The following NYAP2 variants were observed in gnomAD, a reference collection of about 807,000 sequenced individuals.
NYAP2 encodes the protein neuronal tyrosine-phosphorylated phosphoinositide-3-kinase adaptor 2.
NYAP2 carries 23 observed loss-of-function variants against 50.4 expected under a neutral mutation model. The ratio of observed to expected loss-of-function variants is 0.46; its 90% CI spans 0.33 to 0.65. The LOEUF (loss-of-function observed/expected upper bound fraction) is 0.65. Ranked by LOEUF, NYAP2 falls within the 30% of genes least tolerant of loss-of-function variation. The probability of loss-of-function intolerance (pLI) is 0.02; values close to 1 mark genes in which losing one functional copy is unlikely to be tolerated. For synonymous variants in NYAP2, 394 were observed against 365.2 expected (o/e 1.08, Z -0.90); for missense variants, 885 against 861.0 (o/e 1.03, Z -0.35).
At chr2:225,575,584 G>A (rs1459145441) in intron 4 of NYAP2, among the ~76,000 whole-genome samples, 2 of 152,116 alleles carry the variant, frequency 1.3e-5, no homozygotes, top group African/African-American at 4.8e-5. Context: ...CCATTTCTTG[G>A]TTCTTTTCCT....
Position 225,546,660 on chromosome 2 carries a change from G to T in NYAP2, c.523+32988G>T, listed in dbSNP as rs142100358. 1.4e-3 allele frequency among the ~76,000 whole-genome samples: 208 copies of T among 152,146 alleles called. 1 individual carries two copies. The highest frequency in any genetic ancestry group is 4.5e-3 in the African/African-American group (185 of 41,518). ...AAGGCCCAGAATCAGGGACCCCAGT[G>T]GTTCACTTGGTACTCTGCCCAACTG... is the stretch of plus-strand genomic sequence containing the variant. On this transcript the variant is annotated intron_variant, in intron 4 of 6. Transcript: ENST00000636099.
intron 3 of NYAP2, among the ~76,000 whole-genome samples, chr2:225,482,840 A>G (rs146370378): frequency 7.9e-4 from 120 of 152,304 alleles, no homozygotes; most frequent in African/African-American, 2.8e-3. Context: ...TCTTACTGCT[A>G]ATGCAAAGAA....
intron 3 of NYAP2, among the ~76,000 whole-genome samples, chr2:225,431,866 T>A (rs1259272680): frequency 6.6e-6 from 1 of 152,208 alleles, no homozygotes; most frequent in Non-Finnish European, 1.5e-5. Flanking sequence ...ATGAGCAAAG[T>A]CATCAGACTT....
At chr2:225,410,878 C>T (rs1695027576) in intron 3 of NYAP2, among the ~76,000 whole-genome samples, 1 of 152,138 alleles carries the variant, frequency 6.6e-6, no homozygotes, top group South Asian at 2.1e-4. Flanking sequence ...TAGACGGAGA[C>T]ACAGCAAAAC....
At chr2:225,499,224 C>T (rs139087791) in intron 3 of NYAP2, among the ~76,000 whole-genome samples, 80 of 151,870 alleles carry the variant, frequency 5.3e-4, no homozygotes, top group African/African-American at 1.9e-3. Flanking sequence ...AAAGAAGCTG[C>T]GGTCTAAAAG....
chr2:225,470,263 A>G (rs1304433987), intron 3 of NYAP2, among the ~76,000 whole-genome samples: 1 of 152,104 alleles, frequency 6.6e-6, no homozygotes, highest in Non-Finnish European at 1.5e-5. Flanking sequence ...AAACAATACC[A>G]TGGAAAAATC....
intron 5 of NYAP2, among the ~76,000 whole-genome samples, chr2:225,620,990 T>G (rs1693092795): frequency 6.6e-6 from 1 of 151,734 alleles, no homozygotes; most frequent in South Asian, 2.1e-4. Context: ...GGTGGGCGCC[T>G]GTAGTCCCAG....
At position 225,512,830 on chromosome 2, in the gene NYAP2, TCTCTC is replaced by T. The variant is rs1171149736; in HGVS notation, c.222-540_222-536del. Among the ~76,000 whole-genome samples, 23 of 86,754 alleles carry T rather than the reference TCTCTC, an allele frequency of 2.7e-4. 1 individual carries two copies. The highest frequency in any genetic ancestry group is 5.9e-4 in the African/African-American group (12 of 20,498). The allele number at this position is 86,754 out of a possible 152,430, so 56.9% of individuals were successfully genotyped here. On this transcript the variant is annotated intron_variant, in intron 3 of 6. Transcript: ENST00000636099. ...TTTCTTTTCTTTCTTTCTCTCTCTC[TCTCTC>T]TCTTTCTTTCTTTCTTTCTTCCTTC...
In NYAP2 at chr2:225,607,314, G is replaced by T. The variant is rs1010584299; in HGVS notation, c.1619-19603G>T. ...ATGGCAAAACCATTACCAGGGTCAG[G>T]TTTTCCAGGAGTTAAATCCAGAGAT... On this transcript the variant is annotated intron_variant, in intron 5 of 6. Transcript: ENST00000636099. Among the ~76,000 whole-genome samples, 3 of 152,016 alleles carry T rather than the reference G, an allele frequency of 2.0e-5. No homozygotes were observed. The South Asian group carries it at 6.2e-4, about 32-fold the overall frequency.
chr2:225,701,487 T>C, the NYAP2 span: 1 of 151,798 alleles, frequency 6.6e-6, no homozygotes, highest in Non-Finnish European at 1.5e-5. Flanking sequence ...GCAGAGAAGA[T>C]ATAAATTTCT....
At chr2:225,428,437 A>G (rs574654882) in intron 3 of NYAP2, among the ~76,000 whole-genome samples, 1 of 152,186 alleles carries the variant, frequency 6.6e-6, no homozygotes, top group Non-Finnish European at 1.5e-5. Context: ...ATATTTTCAG[A>G]TAGTAATAAT....
At chr2:225,579,118 A>G (rs993747841) in intron 4 of NYAP2, among the ~76,000 whole-genome samples, 4 of 152,006 alleles carry the variant, frequency 2.6e-5, no homozygotes, top group Admixed American at 6.5e-5. Flanking sequence ...AGAGAGAGAG[A>G]GAACTCTGCT....
intron 4 of NYAP2, among the ~76,000 whole-genome samples, chr2:225,549,390 TA>T (rs1446174618): frequency 8.4e-4 from 128 of 152,264 alleles, no homozygotes; most frequent in African/African-American, 3.0e-3. Flanking sequence ...TTGGTGTTAG[TA>T]AGTGCTCAGT....
chr2:225,467,102 G>A (rs904380936), intron 3 of NYAP2, among the ~76,000 whole-genome samples: 1 of 152,118 alleles, frequency 6.6e-6, no homozygotes, highest in Non-Finnish European at 1.5e-5. Flanking sequence ...CTGTCTGCCT[G>A]CGCAGTGGCC....
At chr2:225,657,272 G>A (rs1693844698), downstream of NYAP2, among the ~76,000 whole-genome samples, 1 of 151,788 alleles carries the variant, frequency 6.6e-6, no homozygotes, top group South Asian at 2.1e-4. Context: ...ACCACACCAG[G>A]CTAAATTTTT....
chr2:225,574,583 T>A (rs943809826), intron 4 of NYAP2, among the ~76,000 whole-genome samples: 1 of 152,188 alleles, frequency 6.6e-6, no homozygotes, highest in Non-Finnish European at 1.5e-5. Flanking sequence ...CAAAGTGTTT[T>A]TTCATTTAAA....
intron 3 of NYAP2, among the ~76,000 whole-genome samples, chr2:225,486,035 C>A (rs1574638717): frequency 2.6e-5 from 4 of 152,254 alleles, no homozygotes; most frequent in Admixed American, 2.6e-4. Context: ...TTCTCTCCTA[C>A]CCCCATTTGG....
intron 2 of NYAP2, among the ~76,000 whole-genome samples, chr2:225,407,462 A>T (rs1457855823): frequency 6.6e-6 from 1 of 151,966 alleles, no homozygotes; most frequent in Non-Finnish European, 1.5e-5. Context: ...GGAGAGAAAA[A>T]TCCTTAAATT....
chr2:225,430,478 A>G (rs187234812), intron 3 of NYAP2, among the ~76,000 whole-genome samples: 4 of 152,324 alleles, frequency 2.6e-5, no homozygotes, highest in East Asian at 1.9e-4. Flanking sequence ...CAGATATTCA[A>G]TTTGCTAGCT....
Sources: gnomAD v4.1 joint callset for allele counts (sites outside exome capture counted in the v4.1 genomes callset) on GRCh38, gnomAD v4.1.1 for gene constraint, MANE v1.5 for transcripts, NCBI Gene and HGNC (gene_info 2026-07-23, HGNC 2026-07-21) for gene names.